FLG: variants seen among roughly 807,000 people sequenced by gnomAD.
FLG encodes the protein filaggrin.
Under a neutral mutation model 3.8 loss-of-function variants are expected in FLG, and 6 were observed. That is an observed-to-expected ratio of 1.60 (90% CI 0.87 to 3.15). FLG has a LOEUF of 3.15. Ranked by LOEUF, FLG falls within the 30% of genes most tolerant of loss-of-function variation. The pLI is 0.00. For missense variants in FLG, 7,595 were observed against 5,050.9 expected (o/e 1.50, Z -15.27); for synonymous variants, 2,551 against 1,931.6 (o/e 1.32, Z -8.41).
At position 152,309,738 on chromosome 1, in the gene FLG, A is replaced by C. The variant is rs1192957990; in HGVS notation, c.5148T>G (p.Gly1716=). ...VGDSGNRGSS[G]SQASDSEGHS... is the part of the protein sequence containing the mutation. ...GTCCCTCGCTGTCACTGGCCTGGCTACCACTGGACCCTCGGTTTCCACTGT... is the reference window on the plus strand; with the variant it reads ...GTCCCTCGCTGTCACTGGCCTGGCTCCCACTGGACCCTCGGTTTCCACTGT... Residue 1716 remains glycine, a synonymous_variant, in exon 3 of 3, where the codon GGT becomes GGG. Transcript: ENST00000368799. 6.2e-7 allele frequency: 1 copy of C among 1,613,716 alleles called. No individual in the cohort carries two copies. The highest frequency in any genetic ancestry group is 1.6e-4 in the Middle Eastern group (1 of 6,082).
Position 152,310,427 on chromosome 1 carries a change from C to G in FLG, c.4459G>C (p.Asp1487His). The G allele has an allele frequency of 6.2e-7, 1 of 1,613,498 alleles. No individual in the cohort carries two copies. The highest frequency in any genetic ancestry group is 1.7e-5 in the Admixed American group (1 of 59,942). ...GACCCCGGGTGTCCACGAATGGTGT[C>G]CTGACCGTCTTGGGATGCTGAGTGC... ...SRHSASQDGQ[D>H]TIRGHPGSSR... The change falls in exon 3 of 3, where the codon GAC (aspartate) becomes CAC (histidine). Residue 1487 changes from aspartate (D) to histidine (H), a missense_variant. Coordinates refer to ENST00000368799, the MANE Select transcript of FLG (RefSeq NM_002016.2).
intron 1 of FLG, among the ~76,000 whole-genome samples, chr1:152,321,797 C>A (rs1429017555): frequency 6.6e-6 from 1 of 150,928 alleles, no homozygotes; most frequent in African/African-American, 2.4e-5. Context: ...CAGGAAACAC[C>A]CATTTTATTA....
Position 152,308,799 on chromosome 1 carries a change from A to C in FLG, c.6087T>G (p.Ser2029=). 6.2e-7 allele frequency: 1 copy of C among 1,614,132 alleles called. No individual in the cohort carries two copies. The highest frequency in any genetic ancestry group is 8.5e-7 in the Non-Finnish European group (1 of 1,180,008). ...HSGIGHGQAS[S]AVRDSGHRGY... is the part of the protein sequence containing the mutation. ...CTCGGTGTCCACTGTCTCTGACTGC[A>C]GATGAAGCTTGTCCATGCCCAATGC... Residue 2029 remains serine, a synonymous_variant, in exon 3 of 3, where the codon TCT becomes TCG. Coordinates refer to ENST00000368799, the MANE Select transcript of FLG (RefSeq NM_002016.2).
chr1:152,307,170 G>T lies in FLG; in HGVS notation c.7716C>A (p.Asp2572Glu). 3 of 1,612,838 alleles carry T rather than the reference G, an allele frequency of 1.9e-6. No individual in the cohort carries two copies. Among genetic ancestry groups the T allele is most frequent in the Non-Finnish European group, 2.5e-6 (3 of 1,179,956 alleles). Residue 2572 changes from aspartate to glutamate, a missense_variant, in exon 3 of 3, where the codon GAC becomes GAA. By Grantham distance (45) the Asp-to-Glu change is conservative (BLOSUM62 2). Coordinates refer to ENST00000368799, the MANE Select transcript of FLG (RefSeq NM_002016.2). ...CAGAGTCTTCTGAGTGTCCCTGACTGTCACTGTCCTGGCTAAAACTGGATC... is the reference window on the plus strand; with the variant it reads ...CAGAGTCTTCTGAGTGTCCCTGACTTTCACTGTCCTGGCTAAAACTGGATC... ...NWGSSFSQDS[D>E]SQGHSEDSER...
At chr1:152,314,859 C>A in intron 2 of FLG, 112 bp from the exon 3 acceptor site, 4 of 1,343,710 alleles carry the variant, frequency 3.0e-6, no homozygotes, top group Non-Finnish European at 3.1e-6. Flanking sequence ...AAAAGTGGGA[C>A]AAAATCTTTT....
In FLG at chr1:152,312,681, TCTGA is replaced by T. The variant is rs755473852; in HGVS notation, c.2201_2204del (p.Val734GlufsTer63). On this transcript the variant is annotated frameshift_variant, in exon 3 of 3. Coordinates refer to ENST00000368799, the MANE Select transcript of FLG (RefSeq NM_002016.2). LOFTEE classifies it low-confidence loss of function (END_TRUNC). ...CACTGGACCCTCGGTGTCCACTGTC[TCTGA>T]CTGCAGATGAAGCTTGTCCGTGCCC... The T allele has an allele frequency of 6.2e-7, 1 of 1,613,926 alleles. No homozygotes were observed. The highest frequency in any genetic ancestry group is 8.5e-7 in the Non-Finnish European group (1 of 1,179,992).
In FLG at chr1:152,305,436, A is replaced by G; in HGVS notation, c.9450T>C (p.Asp3150=). The G allele has an allele frequency of 6.3e-7, 1 of 1,596,644 alleles. No homozygotes were observed. The highest frequency in any genetic ancestry group is 8.5e-7 in the Non-Finnish European group (1 of 1,175,716). The part of the protein sequence containing the change: ...HSHTTSQGRS[D]ASRGQSGSRS... ...TGGATCCTGACTGCCCACGGGAGGC[A>G]TCAGACCTTCCCTGGGATGTGGTGT... is the stretch of plus-strand genomic sequence containing the variant. Residue 3150 remains aspartate (D), a synonymous_variant, in exon 3 of 3, where the codon GAT becomes GAC. Coordinates refer to ENST00000368799, the MANE Select transcript of FLG (RefSeq NM_002016.2).
rs778801414 is a variant in FLG, at chr1:152,311,259, C to G, written c.3627G>C (p.Gly1209=). ...TGCTTGCACTTCTGGATCCTGACTGCCCATGGGAGGCATCAGACCTTCCCT... is the reference window on the plus strand; with the variant it reads ...TGCTTGCACTTCTGGATCCTGACTGGCCATGGGAGGCATCAGACCTTCCCT... ...TSQGRSDASH[G]QSGSRSASRQ... is the part of the protein sequence containing the mutation. The change falls in exon 3 of 3, where the codon GGG becomes GGC. Residue 1209 remains glycine (G), a synonymous_variant. Coordinates refer to ENST00000368799, the MANE Select transcript of FLG (RefSeq NM_002016.2). 1.2e-6 allele frequency: 2 copies of G among 1,613,722 alleles called. No homozygotes were observed. The highest frequency in any genetic ancestry group is 2.7e-5 in the African/African-American group (2 of 74,802).
Position 152,307,170 on chromosome 1 carries a change from G to A in FLG, c.7716C>T (p.Asp2572=). 1 of 1,612,838 alleles carries A rather than the reference G, an allele frequency of 6.2e-7. No homozygotes were observed. The part of the protein sequence containing the change: ...NWGSSFSQDS[D]SQGHSEDSER... ...CAGAGTCTTCTGAGTGTCCCTGACT[G>A]TCACTGTCCTGGCTAAAACTGGATC... Residue 2572 remains aspartate (D), a synonymous_variant, in exon 3 of 3, where the codon GAC becomes GAT. Coordinates refer to ENST00000368799, the MANE Select transcript of FLG (RefSeq NM_002016.2).
At position 152,307,417 on chromosome 1, in the gene FLG, G is replaced by A. The variant is rs141993241; in HGVS notation, c.7469C>T (p.Ser2490Phe). The change falls in exon 3 of 3, where the codon TCT (serine) becomes TTT (phenylalanine). Residue 2490 changes from serine (S) to phenylalanine (F), a missense_variant. Ser to Phe is a radical substitution (Grantham distance 155). Transcript: ENST00000368799. ...QLVDRSGHSGSHHSHTTSQGR... is the reference protein window; with the variant it reads ...QLVDRSGHSGFHHSHTTSQGR... ...CTGGGATGTGGTGTGGCTGTGATGA[G>A]ACCCTGAGTGTCCAGATCTATCTAC... 51 of 1,613,174 alleles carry A rather than the reference G, an allele frequency of 3.2e-5. No individual in the cohort carries two copies. Among genetic ancestry groups the A allele is most frequent in the South Asian group, 2.6e-4 (24 of 91,024 alleles).
At position 152,308,535 on chromosome 1, in the gene FLG, G is replaced by A. The variant is rs1459418796; in HGVS notation, c.6351C>T (p.Ser2117=). ...AGCTGTCTTGTGCCTGATCATAATGGGATCCTTGTCTTCCTCCAGTGCTGG... is the reference window on the plus strand; with the variant it reads ...AGCTGTCTTGTGCCTGATCATAATGAGATCCTTGTCTTCCTCCAGTGCTGG... The part of the protein sequence containing the change: ...SAPSTGGRQG[S]HYDQAQDSSR... The change falls in exon 3 of 3, where the codon TCC becomes TCT. Residue 2117 remains serine (S), a synonymous_variant. Coordinates refer to ENST00000368799, the MANE Select transcript of FLG (RefSeq NM_002016.2). 2 of 1,613,632 alleles carry A rather than the reference G, an allele frequency of 1.2e-6. No individual in the cohort carries two copies. Among genetic ancestry groups the A allele is most frequent in the East Asian group, 2.2e-5 (1 of 44,862 alleles).
rs1245523740 is a variant in FLG at position 152,312,127 on chromosome 1, G to A, written c.2759C>T (p.Ala920Val). The A allele has an allele frequency of 6.3e-7, 1 of 1,598,908 alleles. No homozygotes were observed. The highest frequency in any genetic ancestry group is 1.7e-5 in the Admixed American group (1 of 59,032). ...TGCCTGTGAGTGTCTAGAGATGTCG[G>A]CATGAGAGGAAGCTTCATGGTGACG... ...GSRHHEASSH[A>V]DISRHSQAGQ... The change falls in exon 3 of 3, where the codon GCC (alanine) becomes GTC (valine). Residue 920 changes from alanine (A) to valine (V), a missense_variant. Transcript: ENST00000368799.
chr1:152,319,800 A>G (rs927837550), intron 1 of FLG, among the ~76,000 whole-genome samples: 24 of 151,638 alleles, frequency 1.6e-4, no homozygotes, highest in Non-Finnish European at 3.4e-4. Flanking sequence ...CCAGAGACCT[A>G]CTGTAAAGGA....
Position 152,307,975 on chromosome 1 carries a change from G to A in FLG, c.6911C>T (p.Thr2304Ile), listed in dbSNP as rs746366308. ...HSAESSRQSG[T>I]HHAENSSGGQ... ...ACCAGAGGAATTCTCTGCATGATGA[G>A]TGCCTGATTGTCTGGAGCTCTCTGC... Residue 2304 changes from threonine to isoleucine, a missense_variant, in exon 3 of 3, where the codon ACT becomes ATT. Coordinates refer to ENST00000368799, the MANE Select transcript of FLG (RefSeq NM_002016.2). 1.9e-6 allele frequency: 3 copies of A among 1,614,038 alleles called. No individual in the cohort carries two copies. The highest frequency in any genetic ancestry group is 1.7e-5 in the Admixed American group (1 of 60,006).
rs992737855 is a variant in FLG, at chr1:152,316,267, G to A, written c.-21-790C>T. Among the ~76,000 whole-genome samples the A allele has an allele frequency of 4.6e-5, 7 of 152,166 alleles. No homozygotes were observed. The South Asian group carries it at 6.2e-4, about 14-fold the overall frequency. On this transcript the variant is annotated intron_variant, in intron 1 of 2. Transcript: ENST00000368799. ...AACATTTTTGGACCTTGGTTTGTTTGGTAAGAGGAATTAGATATTAATGAA... is the reference window on the plus strand; with the variant it reads ...AACATTTTTGGACCTTGGTTTGTTTAGTAAGAGGAATTAGATATTAATGAA...
At position 152,308,328 on chromosome 1, in the gene FLG, G is replaced by A; in HGVS notation, c.6558C>T (p.Ser2186=). ...RSDASRGQSG[S]RSASRKTYDK... ...CATATGTTTTTCTGCTTGCACTTCT[G>A]GATCCTGACTGCCCACGGGAGGCAT... Residue 2186 remains serine, a synonymous_variant, in exon 3 of 3, where the codon TCC becomes TCT. Transcript: ENST00000368799. 6.2e-7 allele frequency: 1 copy of A among 1,613,530 alleles called. No homozygotes were observed. The highest frequency in any genetic ancestry group is 8.5e-7 in the Non-Finnish European group (1 of 1,179,808).
rs202005168 is a variant in FLG at position 152,308,856 on chromosome 1, C to T, written c.6030G>A (p.Gln2010=). ...SAGERHGSHH[Q]LQSADSSRHS... is the part of the protein sequence containing the mutation. The stretch of plus-strand genomic sequence containing the variant: ...GTCTGGAGCTGTCTGCTGACTGGAG[C>T]TGGTGGTGGGATCCATGTCTTTCTC... The change falls in exon 3 of 3, where the codon CAG becomes CAA. Residue 2010 remains glutamine (Q), a synonymous_variant. Transcript: ENST00000368799. The T allele has an allele frequency of 5.4e-5, 87 of 1,614,138 alleles. No individual in the cohort carries two copies. Among genetic ancestry groups the T allele is most frequent in the Non-Finnish European group, 4.7e-5 (56 of 1,180,000 alleles).
Position 152,307,497 on chromosome 1 carries a change from A to C in FLG, c.7389T>G (p.His2463Gln), listed in dbSNP as rs369666445. The C allele has an allele frequency of 1.1e-5, 17 of 1,613,056 alleles. No homozygotes were observed. Among genetic ancestry groups the C allele is most frequent in the Non-Finnish European group, 1.4e-5 (16 of 1,179,738 alleles). ...CTCCACTGCTTGACCCCGGGTGTCC[A>C]TGAATGGTGTCCTGACCCTCTTGGG... Reference protein sequence around the residue: ...STSQEGQDTIHGHPGSSSGGR... With the variant: ...STSQEGQDTIQGHPGSSSGGR... Residue 2463 changes from histidine to glutamine, a missense_variant, in exon 3 of 3, where the codon CAT (histidine) becomes CAG (glutamine). Transcript: ENST00000368799.
rs1299296242 is a variant in FLG, at chr1:152,312,594, G to A, written c.2292C>T (p.Gly764=). 2 of 1,613,380 alleles carry A rather than the reference G, an allele frequency of 1.2e-6. No individual in the cohort carries two copies. Among genetic ancestry groups the A allele is most frequent in the Non-Finnish European group, 1.7e-6 (2 of 1,179,880 alleles). The change falls in exon 3 of 3, where the codon GGC becomes GGT. Residue 764 remains glycine, a synonymous_variant. Coordinates refer to ENST00000368799, the MANE Select transcript of FLG (RefSeq NM_002016.2). Reference sequence around the variant, plus strand: ...GCTGATGGTGACCAGCCTGTCCATGGCCTGACACTGACTGTGTGTCTGAGT... The same window carrying A: ...GCTGATGGTGACCAGCCTGTCCATGACCTGACACTGACTGTGTGTCTGAGT... ...SEDSDTQSVS[G]HGQAGHHQQS...
Sources: allele counts gnomAD v4.1 joint callset (sites outside exome capture counted in the v4.1 genomes callset), GRCh38; gene constraint gnomAD v4.1.1; transcripts MANE v1.5; gene names NCBI Gene and HGNC (gene_info 2026-07-23, HGNC 2026-07-21).